Variants in CDK5RAP2 observed in about 807,000 individuals in gnomAD.
The protein encoded by CDK5RAP2 is CDK5 regulatory subunit associated protein 2.
CDK5RAP2 carries 147 observed loss-of-function variants against 232.9 expected under a neutral mutation model. The ratio of observed to expected loss-of-function variants is 0.63; its 90% CI spans 0.55 to 0.72. The LOEUF (loss-of-function observed/expected upper bound fraction) is 0.72. Among genes scored for constraint, CDK5RAP2 ranks in the 30% least tolerant of loss-of-function variants. The pLI, the probability that CDK5RAP2 is intolerant of heterozygous loss-of-function variation, is 0.00. For missense variants in CDK5RAP2, 2,195 were observed against 2,231.5 expected (o/e 0.98, Z 0.33); for synonymous variants, 833 against 833.7 (o/e 1.00, Z 0.01).
At chr9:120,500,812 A>G (rs1052559965) in intron 12 of CDK5RAP2, among the ~76,000 whole-genome samples, 1 of 152,142 alleles carries the variant, frequency 6.6e-6, no homozygotes, top group African/African-American at 2.4e-5. Flanking sequence ...TTTCAAATGG[A>G]TATCATCATG....
chr9:120,527,333 C>A (rs2040948678), intron 10 of CDK5RAP2, among the ~76,000 whole-genome samples: 1 of 152,120 alleles, frequency 6.6e-6, no homozygotes, highest in African/African-American at 2.4e-5. Context: ...AAAGATTAGA[C>A]CTGCATTGTC....
intron 2 of CDK5RAP2, among the ~76,000 whole-genome samples, chr9:120,569,892 T>C (rs1350655328): frequency 2.6e-5 from 4 of 151,824 alleles, no homozygotes; most frequent in African/African-American, 7.3e-5. Flanking sequence ...GGAAGGAGTA[T>C]AGGTGGGTGA....
chr9:120,479,463 T>C (rs2038191340), intron 14 of CDK5RAP2, among the ~76,000 whole-genome samples: 1 of 152,174 alleles, frequency 6.6e-6, no homozygotes, highest in Non-Finnish European at 1.5e-5. Context: ...TCAAGACACC[T>C]GGCAGACACT....
chr9:120,545,831 T>C (rs751195556), intron 4 of CDK5RAP2, 41 bp from the exon 5 acceptor site: 4 of 1,496,594 alleles, frequency 2.7e-6, no homozygotes, highest in South Asian at 1.1e-5. Flanking sequence ...CAATGTAAAA[T>C]AGAGGACCTA....
intron 3 of CDK5RAP2, among the ~76,000 whole-genome samples, chr9:120,558,201 TG>T (rs2042311994): frequency 6.7e-6 from 1 of 148,424 alleles, no homozygotes; most frequent in Non-Finnish European, 1.5e-5. Flanking sequence ...GGTGAAACCC[TG>T]TCTCCATTAA....
chr9:120,417,919 A>G (rs966869030), intron 27 of CDK5RAP2, among the ~76,000 whole-genome samples: 1 of 152,230 alleles, frequency 6.6e-6, no homozygotes, highest in African/African-American at 2.4e-5. Context: ...TACAATTGTG[A>G]AATCTGGAAA....
chr9:120,505,510 C>T (rs1588508859), intron 12 of CDK5RAP2, among the ~76,000 whole-genome samples: 1 of 152,188 alleles, frequency 6.6e-6, no homozygotes, highest in Admixed American at 6.5e-5. Context: ...ACATGTCTCT[C>T]ACTTTTTAAA....
chr9:120,403,063 T>A lies in CDK5RAP2; in HGVS notation c.5050A>T (p.Thr1684Ser), dbSNP rs755225786. Residue 1684 changes from threonine to serine, a missense_variant, in exon 34 of 38, where the codon ACT becomes TCT. Thr to Ser is a moderately conservative substitution (Grantham distance 58). Transcript: ENST00000349780. The surrounding 1 kb of genome is among the most constrained non-coding windows in gnomAD (Gnocchi z 4.2). Reference sequence around the variant, plus strand: ...GTGTCATTCCCAGAGAGTGGAGGAGTCTCTGAAACTGTAAAATGAGAAGTA... The same window carrying A: ...GTGTCATTCCCAGAGAGTGGAGGAGACTCTGAAACTGTAAAATGAGAAGTA... ...QAVTPKSVSE[T>S]PPLSGNDTDS... 1 of 1,613,746 alleles carries A rather than the reference T, an allele frequency of 6.2e-7. No individual in the cohort carries two copies. The highest frequency in any genetic ancestry group is 1.1e-5 in the South Asian group (1 of 91,042).
intron 1 of CDK5RAP2, among the ~76,000 whole-genome samples, chr9:120,577,418 G>A (rs954023494): frequency 6.6e-6 from 1 of 152,082 alleles, no homozygotes; most frequent in African/African-American, 2.4e-5. Context: ...GTCAGAGGCT[G>A]GGAGAAGGGG....
intron 15 of CDK5RAP2, among the ~76,000 whole-genome samples, chr9:120,475,493 T>C (rs893920237): frequency 2.6e-5 from 4 of 152,012 alleles, no homozygotes; most frequent in Non-Finnish European, 4.4e-5. Context: ...TCAACCTGGC[T>C]CCTACCCAGA....
intron 36 of CDK5RAP2, among the ~76,000 whole-genome samples, chr9:120,391,441 C>T (rs2031966461): frequency 6.6e-6 from 1 of 152,232 alleles, no homozygotes; most frequent in Non-Finnish European, 1.5e-5. Context: ...CAACTCAGTC[C>T]ATGGTTCTTC....
intron 3 of CDK5RAP2, among the ~76,000 whole-genome samples, chr9:120,565,255 A>C: frequency 6.6e-6 from 1 of 152,196 alleles, no homozygotes; most frequent in Non-Finnish European, 1.5e-5. Flanking sequence ...GAGCTCCTCC[A>C]GCTCTGAAAT....
intron 13 of CDK5RAP2, among the ~76,000 whole-genome samples, chr9:120,487,894 T>C (rs2131617777): frequency 6.6e-6 from 1 of 152,298 alleles, no homozygotes; most frequent in Middle Eastern, 3.4e-3. Flanking sequence ...TGTTACAAAT[T>C]TGATAAAACT....
rs568208675 is a variant in CDK5RAP2, at chr9:120,430,810, C to T, written c.3955+6485G>A. On this transcript the variant is annotated intron_variant, in intron 25 of 37. Transcript: ENST00000349780. ...TCATGCTGCTATAAAGACACATGCA[C>T]ACATATGTTTACTGCGGCACTATTC... Among the ~76,000 whole-genome samples the T allele has an allele frequency of 2.1e-3, 321 of 152,236 alleles. 6 individuals carry two copies. The highest frequency in any genetic ancestry group is 0.014 in the South Asian group (69 of 4,824).
At position 120,394,591 on chromosome 9, in the gene CDK5RAP2, A is replaced by C. The variant is rs189396476; in HGVS notation, c.5499T>G (p.Phe1833Leu). 3.6e-4 allele frequency: 582 copies of C among 1,614,182 alleles called. No homozygotes were observed. The highest frequency in any genetic ancestry group is 4.6e-4 in the Non-Finnish European group (544 of 1,180,030). Residue 1833 changes from phenylalanine to leucine, a missense_variant, in exon 36 of 38, where the codon TTT (phenylalanine) becomes TTG (leucine). Phe to Leu is a conservative substitution (Grantham distance 22). Transcript: ENST00000349780. The part of the protein sequence containing the change: ...AEVTKLHKKL[F>L]EQEKKLQNTM... ...TGTTTTGCAACTTCTTTTCTTGTTCAAACAATTTTTTATGTAGTTTGGTGA... is the reference window on the plus strand; with the variant it reads ...TGTTTTGCAACTTCTTTTCTTGTTCCAACAATTTTTTATGTAGTTTGGTGA...
At chr9:120,564,359 A>G (rs2042567472) in intron 3 of CDK5RAP2, among the ~76,000 whole-genome samples, 1 of 151,960 alleles carries the variant, frequency 6.6e-6, no homozygotes, top group Admixed American at 6.5e-5. Flanking sequence ...GCATGGTGGC[A>G]TACGCCTGTA....
chr9:120,519,457 A>C (rs896411180), intron 11 of CDK5RAP2, among the ~76,000 whole-genome samples: 2 of 152,224 alleles, frequency 1.3e-5, no homozygotes, highest in Non-Finnish European at 2.9e-5. Context: ...AAACAAAACA[A>C]CCTTGACAAA....
At chr9:120,511,716 T>C (rs928617283) in intron 12 of CDK5RAP2, among the ~76,000 whole-genome samples, 13 of 150,370 alleles carry the variant, frequency 8.6e-5, no homozygotes, top group Non-Finnish European at 1.6e-4. Flanking sequence ...TTTAGCACTG[T>C]GAAGGATATC....
At chr9:120,467,019 G>A (rs1190680086) in intron 18 of CDK5RAP2, among the ~76,000 whole-genome samples, 1 of 152,178 alleles carries the variant, frequency 6.6e-6, no homozygotes, top group Admixed American at 6.5e-5. Flanking sequence ...CATGAAGCAA[G>A]GTGCTTCCTA....
Sources: allele counts gnomAD v4.1 joint callset (sites outside exome capture counted in the v4.1 genomes callset), GRCh38; gene constraint gnomAD v4.1.1; non-coding constraint Gnocchi (gnomAD v3.1); transcripts MANE v1.5; gene names NCBI Gene and HGNC (gene_info 2026-07-23, HGNC 2026-07-21).